The following TMPRSS15 variants were observed in gnomAD, a reference collection of about 807,000 sequenced individuals.
TMPRSS15 encodes the protein transmembrane serine protease 15.
Under a neutral mutation model 125.3 loss-of-function variants are expected in TMPRSS15, and 128 were observed. That is an observed-to-expected ratio of 1.02 (90% confidence interval 0.89 to 1.18). The LOEUF (loss-of-function observed/expected upper bound fraction) is 1.18, where lower values mean the gene tolerates loss of function less well. Ranked by LOEUF, TMPRSS15 falls within the 50% of genes most tolerant of loss-of-function variation. The probability of loss-of-function intolerance (pLI) is 0.00; values close to 1 mark genes in which losing one functional copy is unlikely to be tolerated. For synonymous variants in TMPRSS15, 446 were observed against 423.2 expected (o/e 1.05, Z -0.66); for missense variants, 1,283 against 1,212.7 (o/e 1.06, Z -0.86).
At chr21:18,297,701 A>G (rs765728934) in intron 19 of TMPRSS15, 33 bp downstream of exon 19, 5 of 1,506,858 alleles carry the variant, frequency 3.3e-6, no homozygotes, top group Non-Finnish European at 3.7e-6. Context: ...ATGTCTATGT[A>G]CAACTAGTCT....
intron 1 of TMPRSS15, among the ~76,000 whole-genome samples, chr21:18,409,760 T>C (rs865894285): frequency 1.3e-5 from 2 of 152,090 alleles, no homozygotes; most frequent in Non-Finnish European, 2.9e-5. Flanking sequence ...AATTTTTCTT[T>C]GATTGAGTTT....
rs1389176938 is a variant in TMPRSS15, at chr21:18,332,082, A to G, written c.1654+2T>C. 1.2e-6 allele frequency: 2 copies of G among 1,613,024 alleles called. No homozygotes were observed. Among genetic ancestry groups the G allele is most frequent in the South Asian group, 1.1e-5 (1 of 91,068 alleles). On this transcript the variant is annotated splice_donor_variant, in intron 14 of 24. Coordinates refer to ENST00000284885, the MANE Select transcript of TMPRSS15 (RefSeq NM_002772.3). LOFTEE classifies it high-confidence loss of function. The stretch of plus-strand genomic sequence containing the variant: ...TGATGACCTGGAAAAGAAATGACTC[A>G]CAGAAAGCCAGATTAGGGTAGCTGT...
intron 4 of TMPRSS15, among the ~76,000 whole-genome samples, chr21:18,381,003 A>T (rs574479756): frequency 1.3e-5 from 2 of 152,258 alleles, no homozygotes; most frequent in East Asian, 3.9e-4. Context: ...TTTCCTTGGA[A>T]CTAAGTGGTA....
chr21:18,275,943 A>G (rs986153254), intron 23 of TMPRSS15, among the ~76,000 whole-genome samples: 8 of 152,216 alleles, frequency 5.3e-5, no homozygotes, highest in African/African-American at 1.7e-4. Flanking sequence ...TTCATCCACT[A>G]GAAGTACGAA....
At chr21:18,451,568 T>C (rs955548225) in intron 1 of TMPRSS15, among the ~76,000 whole-genome samples, 2 of 152,210 alleles carry the variant, frequency 1.3e-5, no homozygotes, top group Non-Finnish European at 2.9e-5. Context: ...GGGGACAGCA[T>C]TATAGAAGGG....
At chr21:18,278,089 A>G (rs2074643357) in intron 23 of TMPRSS15, among the ~76,000 whole-genome samples, 1 of 152,220 alleles carries the variant, frequency 6.6e-6, no homozygotes, top group Non-Finnish European at 1.5e-5. Context: ...CCCTCTTGTC[A>G]GTAAGCAGAA....
At chr21:18,419,208 G>A (rs2076186620) in intron 1 of TMPRSS15, among the ~76,000 whole-genome samples, 1 of 147,864 alleles carries the variant, frequency 6.8e-6, no homozygotes, top group Admixed American at 6.8e-5. Flanking sequence ...TAAGCAATAT[G>A]TGACATTTCC....
At chr21:18,333,712 T>C (rs2075366065) in intron 13 of TMPRSS15, among the ~76,000 whole-genome samples, 2 of 152,132 alleles carry the variant, frequency 1.3e-5, no homozygotes. Flanking sequence ...TTGAGACGGG[T>C]AATGATTAAG....
At chr21:18,483,127 C>A (rs950445068) in intron 1 of TMPRSS15, among the ~76,000 whole-genome samples, 6 of 151,804 alleles carry the variant, frequency 4.0e-5, no homozygotes, top group Admixed American at 6.6e-5. Flanking sequence ...GATGAAATTT[C>A]TACATTCCCT....
intron 12 of TMPRSS15, among the ~76,000 whole-genome samples, chr21:18,343,280 A>G (rs1023233222): frequency 6.6e-6 from 1 of 152,182 alleles, no homozygotes; most frequent in African/African-American, 2.4e-5. Context: ...GACCATTATA[A>G]GCTGTATTTT....
intron 1 of TMPRSS15, among the ~76,000 whole-genome samples, chr21:18,434,281 T>C (rs995714401): frequency 5.9e-5 from 9 of 152,204 alleles, no homozygotes; most frequent in South Asian, 2.1e-4. Context: ...CAGAGATACA[T>C]GCACATATAT....
At chr21:18,396,792 A>AAATCTGTCTGTTTG (rs1408156983) in intron 3 of TMPRSS15, among the ~76,000 whole-genome samples, 1 of 112,792 alleles carries the variant, frequency 8.9e-6, no homozygotes, top group Non-Finnish European at 1.8e-5. Flanking sequence ...AAAAAAAAAA[A>AAATCTGTCTGTTTG]TCTGTCTGTC....
intron 21 of TMPRSS15, among the ~76,000 whole-genome samples, chr21:18,284,980 G>T (rs754401231): frequency 6.8e-6 from 1 of 147,944 alleles, no homozygotes; most frequent in Non-Finnish European, 1.5e-5. Context: ...CAGCCTGGGT[G>T]ACAAGAGCAA....
chr21:18,307,660 T>G (rs1027301859), intron 18 of TMPRSS15, among the ~76,000 whole-genome samples: 3 of 152,238 alleles, frequency 2.0e-5, no homozygotes, highest in Non-Finnish European at 4.4e-5. Flanking sequence ...GACCCAGGAA[T>G]AATAATAATA....
At chr21:18,398,897 TGACTGTCTTTGTTGAA>T (rs992320602) in intron 1 of TMPRSS15, among the ~76,000 whole-genome samples, 6 of 152,072 alleles carry the variant, frequency 3.9e-5, no homozygotes, top group Non-Finnish European at 7.4e-5. Flanking sequence ...CATTAGCTGG[TGACTGTCTTTGTTGAA>T]GACGTTATTT....
intron 1 of TMPRSS15, among the ~76,000 whole-genome samples, chr21:18,420,061 G>A (rs927847306): frequency 6.6e-6 from 1 of 152,050 alleles, no homozygotes; most frequent in Non-Finnish European, 1.5e-5. Flanking sequence ...TGAGTGATAT[G>A]GTAATTTTAA....
At position 18,297,795 on chromosome 21, in the gene TMPRSS15, C is replaced by T. The variant is rs372882311; in HGVS notation, c.2200G>A (p.Asp734Asn). The T allele has an allele frequency of 1.1e-5, 18 of 1,613,478 alleles. No individual in the cohort carries two copies. Among genetic ancestry groups the T allele is most frequent in the East Asian group, 4.5e-5 (2 of 44,822 alleles). ...TTTAATTTGACAAATGGTCCACCAT[C>T]GGTAGGGAAGATTGGCTTTGATGAG... ...GNSSKPIFPT[D>N]GGPFVKLNTA... is the part of the protein sequence containing the mutation. Residue 734 changes from aspartate (D) to asparagine (N), a missense_variant, in exon 19 of 25, where the codon GAT becomes AAT. Coordinates refer to ENST00000284885, the MANE Select transcript of TMPRSS15 (RefSeq NM_002772.3).
chr21:18,480,156 C>T lies in TMPRSS15; in HGVS notation c.10+5643G>A, dbSNP rs549897465. Among the ~76,000 whole-genome samples the T allele has an allele frequency of 2.0e-5, 3 of 152,090 alleles. No homozygotes were observed. In the South Asian group the frequency reaches 6.2e-4, roughly 32 times the overall value. On this transcript the variant is annotated intron_variant, in intron 1 of 7. Transcript: ENST00000422787. ...CACAGGAACAGAAAACCAAACACCA[C>T]GTATTCTCACTCATAAGTGGGAGCT... is the stretch of plus-strand genomic sequence containing the variant.
chr21:18,348,043 G>T (rs951600596), intron 10 of TMPRSS15, among the ~76,000 whole-genome samples: 1 of 152,082 alleles, frequency 6.6e-6, no homozygotes, highest in Non-Finnish European at 1.5e-5. Flanking sequence ...AAAATTGCTG[G>T]GTGTGGTAGA....
Sources: allele counts gnomAD v4.1 joint callset (sites outside exome capture counted in the v4.1 genomes callset), GRCh38; gene constraint gnomAD v4.1.1; transcripts MANE v1.5; gene names NCBI Gene and HGNC (gene_info 2026-07-23, HGNC 2026-07-21).